BCAR3: variants seen among roughly 807,000 people sequenced by gnomAD.
The protein encoded by BCAR3 is BCAR3 adaptor protein, NSP family member, also known as breast cancer anti-estrogen resistance protein 3.
Under a neutral mutation model 80.1 loss-of-function variants are expected in BCAR3, and 37 were observed. The ratio of observed to expected loss-of-function variants is 0.46; its 90% CI spans 0.36 to 0.61. The LOEUF (loss-of-function observed/expected upper bound fraction) is 0.61. Ranked by LOEUF, BCAR3 falls within the 20% of genes least tolerant of loss-of-function variation. The pLI is 0.00. For missense variants in BCAR3, 978 were observed against 1,068.2 expected, an observed-to-expected ratio of 0.92 and a Z score of 1.18; for synonymous variants, 389 against 418.9, an observed-to-expected ratio of 0.93 and a Z score of 0.87.
At chr1:93,595,922 C>T (rs1018071539) in intron 3 of BCAR3, among the ~76,000 whole-genome samples, 22 of 152,324 alleles carry the variant, frequency 1.4e-4, no homozygotes, top group Non-Finnish European at 1.2e-4. Flanking sequence ...TGTATCCTTT[C>T]GCTTTTCTGC....
intron 2 of BCAR3, among the ~76,000 whole-genome samples, chr1:93,736,880 T>G (rs974188537): frequency 2.6e-5 from 4 of 152,238 alleles, no homozygotes; most frequent in Non-Finnish European, 4.4e-5. Context: ...GCTTTTGCAT[T>G]TTATGCTATA....
intron 2 of BCAR3, among the ~76,000 whole-genome samples, chr1:93,719,229 A>G (rs1023336673): frequency 6.6e-6 from 1 of 152,042 alleles, no homozygotes; most frequent in Non-Finnish European, 1.5e-5. Context: ...GCCATTAGCA[A>G]ATGGTTGATG....
At chr1:93,810,817 T>G (rs1032498739) in intron 2 of BCAR3, among the ~76,000 whole-genome samples, 13 of 152,214 alleles carry the variant, frequency 8.5e-5, no homozygotes, top group Admixed American at 2.0e-4. Context: ...GCTAAAGATA[T>G]GTAGAACAGA....
At chr1:93,833,938 T>C (rs1253261353) in intron 2 of BCAR3, among the ~76,000 whole-genome samples, 3 of 152,192 alleles carry the variant, frequency 2.0e-5, no homozygotes, top group Non-Finnish European at 4.4e-5. Flanking sequence ...TAAATGTCCA[T>C]GAAATCTTCA....
intron 2 of BCAR3, among the ~76,000 whole-genome samples, chr1:93,751,943 C>T (rs1035816113): frequency 3.3e-5 from 5 of 152,224 alleles, no homozygotes; most frequent in African/African-American, 7.2e-5. Context: ...CCCAGATAGA[C>T]GCATGTGATT....
intron 2 of BCAR3, among the ~76,000 whole-genome samples, chr1:93,729,586 C>A (rs1012035567): frequency 4.6e-5 from 7 of 152,142 alleles, no homozygotes; most frequent in African/African-American, 1.4e-4. Context: ...GTCACAGAGG[C>A]CTTAACCCAC....
chr1:93,616,089 G>T (rs1675116941), intron 3 of BCAR3, among the ~76,000 whole-genome samples: 1 of 152,170 alleles, frequency 6.6e-6, no homozygotes, highest in South Asian at 2.1e-4. Context: ...GTGCTCCACA[G>T]CCAGGGTAAA....
chr1:93,773,170 G>A (rs574838851), intron 2 of BCAR3, among the ~76,000 whole-genome samples: 3 of 152,290 alleles, frequency 2.0e-5, no homozygotes, highest in Admixed American at 6.5e-5. Flanking sequence ...CCTTTCTCAT[G>A]TTTCCTCCTG....
At chr1:93,730,944 A>C (rs1650764147) in intron 2 of BCAR3, among the ~76,000 whole-genome samples, 1 of 152,240 alleles carries the variant, frequency 6.6e-6, no homozygotes, top group Non-Finnish European at 1.5e-5. Context: ...CATCAGGAAT[A>C]AGTCATGTGG....
chr1:93,704,258 A>G (rs1382333696), intron 3 of BCAR3, among the ~76,000 whole-genome samples: 1 of 149,994 alleles, frequency 6.7e-6, no homozygotes, highest in East Asian at 2.0e-4. Context: ...CTAGGGCAAA[A>G]GTCCACATTT....
intron 3 of BCAR3, among the ~76,000 whole-genome samples, chr1:93,620,666 T>C (rs903927623): frequency 2.6e-5 from 4 of 152,164 alleles, no homozygotes; most frequent in Admixed American, 2.0e-4. Flanking sequence ...CCTCCTGCCC[T>C]GGCCCTGCAA....
intron 1 of BCAR3, among the ~76,000 whole-genome samples, chr1:93,846,075 C>G (rs999704092): frequency 6.6e-6 from 1 of 152,220 alleles, no homozygotes; most frequent in Non-Finnish European, 1.5e-5. Flanking sequence ...CTCTTAGCTG[C>G]AGTTTCCCTT....
intron 3 of BCAR3, among the ~76,000 whole-genome samples, chr1:93,641,106 T>C (rs1437943665): frequency 1.3e-5 from 2 of 152,206 alleles, no homozygotes; most frequent in South Asian, 2.1e-4. Flanking sequence ...AGGTTTAGGA[T>C]TATACATTTT....
intron 3 of BCAR3, among the ~76,000 whole-genome samples, chr1:93,608,185 G>A (rs1052047211): frequency 6.6e-6 from 1 of 152,218 alleles, no homozygotes; most frequent in Admixed American, 6.5e-5. Context: ...ACTTTCATGA[G>A]CTAGACAGAA....
At chr1:93,566,337 G>C (rs1672950624) in intron 11 of BCAR3, among the ~76,000 whole-genome samples, 1 of 152,064 alleles carries the variant, frequency 6.6e-6, no homozygotes, top group Non-Finnish European at 1.5e-5. Flanking sequence ...GCTGTCACCA[G>C]GTGCTTCCTC....
chr1:93,755,081 C>G (rs1160238293), intron 2 of BCAR3, among the ~76,000 whole-genome samples: 2 of 151,286 alleles, frequency 1.3e-5, no homozygotes, highest in East Asian at 1.9e-4. Context: ...AACTTAAAAA[C>G]TAAAAATATT....
intron 2 of BCAR3, chr1:93,845,459 A>ATTTT (rs1161507337): frequency 2.0e-4 from 20 of 101,590 alleles, no homozygotes; most frequent in East Asian, 2.9e-4. Flanking sequence ...GGGCATAACA[A>ATTTT]TTTTATATAT....
At chr1:93,672,479 A>T (rs942631698) in intron 2 of BCAR3, among the ~76,000 whole-genome samples, 6 of 152,236 alleles carry the variant, frequency 3.9e-5, no homozygotes, top group Non-Finnish European at 7.3e-5. Flanking sequence ...AAAGCGGTCC[A>T]CCATAAGCCA....
chr1:93,661,929 T>A (rs1647680964), intron 2 of BCAR3, among the ~76,000 whole-genome samples: 1 of 152,248 alleles, frequency 6.6e-6, no homozygotes, highest in African/African-American at 2.4e-5. Context: ...TTTGTTAAAG[T>A]ATGTTTTACT....
Sources: allele counts gnomAD v4.1 joint callset (sites outside exome capture counted in the v4.1 genomes callset), GRCh38; gene constraint gnomAD v4.1.1; transcripts MANE v1.5; gene names NCBI Gene and HGNC (gene_info 2026-07-23, HGNC 2026-07-21).